SLC3A1: variants seen among roughly 807,000 people sequenced by gnomAD.
The protein encoded by SLC3A1 is solute carrier family 3 member 1.
SLC3A1 carries 78 observed loss-of-function variants against 60.3 expected under a neutral mutation model. The ratio of observed to expected loss-of-function variants is 1.29; its 90% CI spans 1.08 to 1.56. SLC3A1 has a LOEUF of 1.56. Ranked by LOEUF, SLC3A1 falls within the 40% of genes most tolerant of loss-of-function variation. The pLI is 0.00. For synonymous variants in SLC3A1, 392 were observed against 307.9 expected, an observed-to-expected ratio of 1.27 and a Z score of -2.86; for missense variants, 1,172 against 858.9, an observed-to-expected ratio of 1.36 and a Z score of -4.56.
chr2:44,297,714 G>C (rs557106619), intron 4 of SLC3A1, among the ~76,000 whole-genome samples: 1 of 152,096 alleles, frequency 6.6e-6, no homozygotes, highest in Non-Finnish European at 1.5e-5. Context: ...TGTTCACTAA[G>C]TACCAGGTGC....
intron 9 of SLC3A1, chr2:44,318,144 G>A (rs1376389181): frequency 2.3e-6 from 1 of 440,528 alleles, no homozygotes; most frequent in Non-Finnish European, 4.5e-6. Context: ...ATGCTCGAGT[G>A]CAGTGGCGTG....
At chr2:44,311,287 T>C (rs1672289553) in intron 7 of SLC3A1, among the ~76,000 whole-genome samples, 1 of 152,234 alleles carries the variant, frequency 6.6e-6, no homozygotes, top group Non-Finnish European at 1.5e-5. Context: ...GTTCATATAC[T>C]TTAAATTCTT....
intron 3 of SLC3A1, among the ~76,000 whole-genome samples, chr2:44,284,310 C>A (rs1671562874): frequency 6.6e-6 from 1 of 152,146 alleles, no homozygotes; most frequent in Non-Finnish European, 1.5e-5. Context: ...GAACTCCTGA[C>A]CTTGTGATCT....
chr2:44,320,345 C>A lies in SLC3A1; in HGVS notation c.1764C>A (p.Gly588=). The A allele has an allele frequency of 6.2e-7, 1 of 1,614,124 alleles. No individual in the cohort carries two copies. Among genetic ancestry groups the A allele is most frequent in the Non-Finnish European group, 8.5e-7 (1 of 1,179,972 alleles). ...TTGTGTACACAAGAGAGCTGGATGG[C>A]ATCGACAGAATCTTTATCGTGGTTC... is the stretch of plus-strand genomic sequence containing the variant. ...HYVVYTRELD[G]IDRIFIVVLN... is the part of the protein sequence containing the mutation. The change falls in exon 10 of 10, where the codon GGC becomes GGA. Residue 588 remains glycine (G), a synonymous_variant. Coordinates refer to ENST00000260649, the MANE Select transcript of SLC3A1 (RefSeq NM_000341.4).
rs969589260 is a variant in SLC3A1, at chr2:44,321,403, C to G, written c.*764C>G. 1 of 1,613,030 alleles carries G rather than the reference C, an allele frequency of 6.2e-7. No homozygotes were observed. The highest frequency in any genetic ancestry group is 1.7e-5 in the Admixed American group (1 of 59,966). Reference sequence around the variant, plus strand: ...AGATCCTCGAAAACACTGGTGCTGTCAAGTCCAAGTTCCTCGTACAGGAAT... The same window carrying G: ...AGATCCTCGAAAACACTGGTGCTGTGAAGTCCAAGTTCCTCGTACAGGAAT... On this transcript the variant is annotated 3_prime_UTR_variant, in exon 10 of 10. Coordinates refer to ENST00000260649, the MANE Select transcript of SLC3A1 (RefSeq NM_000341.4).
chr2:44,309,034 C>G (rs1408751734), intron 7 of SLC3A1, among the ~76,000 whole-genome samples: 1 of 152,056 alleles, frequency 6.6e-6, no homozygotes, highest in Admixed American at 6.6e-5. Context: ...GCCTGGCCTT[C>G]TGAGGAATTT....
chr2:44,303,830 G>C (rs901023237), intron 6 of SLC3A1: 1 of 524,556 alleles, frequency 1.9e-6, no homozygotes, highest in South Asian at 2.1e-5. Context: ...AACATGCGGT[G>C]TTTGGTTTTC....
chr2:44,307,431 T>C (rs1374900196), intron 7 of SLC3A1, among the ~76,000 whole-genome samples: 1 of 152,194 alleles, frequency 6.6e-6, no homozygotes, highest in Non-Finnish European at 1.5e-5. Flanking sequence ...TTTTCCAAAG[T>C]AGTTACTCCA....
At chr2:44,298,450 C>A (rs776082940) in intron 4 of SLC3A1, among the ~76,000 whole-genome samples, 1 of 152,168 alleles carries the variant, frequency 6.6e-6, no homozygotes, top group African/African-American at 2.4e-5. Flanking sequence ...ATGATCTTGG[C>A]TCACTGCAAC....
Position 44,304,134 on chromosome 2 carries a change from C to CT in SLC3A1, c.1137-8dup. 2 of 1,612,190 alleles carry CT rather than the reference C, an allele frequency of 1.2e-6. No homozygotes were observed. Among genetic ancestry groups the CT allele is most frequent in the Non-Finnish European group, 1.7e-6 (2 of 1,178,228 alleles). On this transcript the variant is annotated splice_polypyrimidine_tract_variant and intron_variant, in intron 6 of 9. Transcript: ENST00000260649. ...CCCCGATGACACTGAACCTTGTCAACTCTTATAGGTTCATGGGGACTGAAG... is the reference window on the plus strand; with the variant it reads ...CCCCGATGACACTGAACCTTGTCAACTTCTTATAGGTTCATGGGGACTGAAG...
At chr2:44,314,124 A>C in intron 9 of SLC3A1, 173 bp downstream of exon 9, 1 of 1,462,056 alleles carries the variant, frequency 6.8e-7, no homozygotes, top group Admixed American at 2.0e-5. Context: ...GCCTTTGTGA[A>C]AATACAAACT....
At chr2:44,295,033 C>T (rs1287150653) in intron 4 of SLC3A1, among the ~76,000 whole-genome samples, 1 of 152,096 alleles carries the variant, frequency 6.6e-6, no homozygotes, top group Non-Finnish European at 1.5e-5. Context: ...CATGAGCCAC[C>T]ACACCTGGCT....
In SLC3A1 at chr2:44,280,857, A is replaced by G. The variant is rs534054965; in HGVS notation, c.572A>G (p.Glu191Gly). 101 of 1,614,154 alleles carry G rather than the reference A, an allele frequency of 6.3e-5. No individual in the cohort carries two copies. The highest frequency in any genetic ancestry group is 5.3e-4 in the Admixed American group (32 of 60,026). Residue 191 changes from glutamate (E) to glycine (G), a missense_variant, in exon 2 of 10, where the codon GAA (glutamate) becomes GGA (glycine). Coordinates refer to ENST00000260649, the MANE Select transcript of SLC3A1 (RefSeq NM_000341.4). ...REVDPIFGTM[E>G]DFENLVAAIH... ...GTTGATCCCATTTTTGGAACGATGGAAGATTTTGAGAATCTGGTTGCAGCC... is the reference window on the plus strand; with the variant it reads ...GTTGATCCCATTTTTGGAACGATGGGAGATTTTGAGAATCTGGTTGCAGCC...
rs150487076 is a variant in SLC3A1 at position 44,318,093 on chromosome 2, CTG to C, written c.1618-2104_1618-2103del. On this transcript the variant is annotated intron_variant, in intron 9 of 9. Transcript: ENST00000260649. Reference sequence around the variant, plus strand: ...CAATAATACTTAAAGGATCTCAACACTGTTTTTTTTTTTTTTTGAGACAGTCT... The same window carrying C: ...CAATAATACTTAAAGGATCTCAACACTTTTTTTTTTTTTTTGAGACAGTCT... 5,826 of 394,750 alleles carry C rather than the reference CTG, an allele frequency of 0.015. 292 individuals are homozygous for C. In the African/African-American group the frequency reaches 0.16, roughly 11 times the overall value. The allele number at this position is 394,750 out of a possible 1,614,324, so 24.5% of individuals were successfully genotyped here. A position where few individuals can be genotyped will look rare whatever the true frequency, so the allele number is the denominator to read the frequency against.
At chr2:44,313,682 C>G (rs745473174) in intron 8 of SLC3A1, among the ~76,000 whole-genome samples, 153 bp from the exon 9 acceptor site, 2 of 151,996 alleles carry the variant, frequency 1.3e-5, no homozygotes, top group Non-Finnish European at 1.5e-5. Flanking sequence ...GTTTATGTAC[C>G]GAAAGTTGAG....
At chr2:44,296,814 G>C (rs1238387226) in intron 4 of SLC3A1, among the ~76,000 whole-genome samples, 2 of 152,158 alleles carry the variant, frequency 1.3e-5, no homozygotes, top group Non-Finnish European at 2.9e-5. Context: ...GGAGCAGGTG[G>C]AGATAATTGA....
intron 4 of SLC3A1, among the ~76,000 whole-genome samples, chr2:44,286,699 A>ATG (rs1671622630): frequency 7.1e-6 from 1 of 140,176 alleles, no homozygotes; most frequent in African/African-American, 2.7e-5. Context: ...GGTGCCTGTG[A>ATG]CTGAGCTGTG....
In SLC3A1 at chr2:44,320,733, C is replaced by A; in HGVS notation, c.*94C>A. 5.2e-6 allele frequency: 5 copies of A among 969,518 alleles called. No individual in the cohort carries two copies. The highest frequency in any genetic ancestry group is 8.3e-6 in the Non-Finnish European group (5 of 604,352). 60.1% of individuals were successfully genotyped at this position (969,518 alleles called of 1,614,324 possible). ...TACAGCATGCTGCTTGGTGAACAAT[C>A]ATTAATTCTTCGATATTTCTGTAGC... is the stretch of plus-strand genomic sequence containing the variant. On this transcript the variant is annotated 3_prime_UTR_variant, in exon 10 of 10. Coordinates refer to ENST00000260649, the MANE Select transcript of SLC3A1 (RefSeq NM_000341.4).
At chr2:44,281,603 AT>A in intron 3 of SLC3A1, 62 bp downstream of exon 3, 1 of 1,497,198 alleles carries the variant, frequency 6.7e-7, no homozygotes, top group East Asian at 2.3e-5. Flanking sequence ...GATTGAACTG[AT>A]TTAGTAAAAC....
Sources: gnomAD v4.1 joint callset for allele counts (sites outside exome capture counted in the v4.1 genomes callset) on GRCh38, gnomAD v4.1.1 for gene constraint, MANE v1.5 for transcripts, NCBI Gene and HGNC (gene_info 2026-07-23, HGNC 2026-07-21) for gene names.